The following DAB1 variants were observed in gnomAD, a reference collection of about 807,000 sequenced individuals.
DAB1 encodes disabled homolog 1.
A neutral mutation model predicts 64.6 loss-of-function variants in DAB1; 15 were observed. The ratio of observed to expected loss-of-function variants is 0.23; its 90% CI spans 0.16 to 0.36. The LOEUF (loss-of-function observed/expected upper bound fraction) is 0.36, where lower values mean the gene tolerates loss of function less well. DAB1 is among the 10% of genes least tolerant of loss of function. The probability of loss-of-function intolerance (pLI) is 1.00; values close to 1 mark genes in which losing one functional copy is unlikely to be tolerated. For synonymous variants in DAB1, 235 were observed against 251.9 expected (o/e 0.93, Z 0.64); for missense variants, 596 against 706.7 (o/e 0.84, Z 1.78).
chr1:58,202,490 C>T (rs1346956749), intron 4 of DAB1, among the ~76,000 whole-genome samples: 1 of 152,172 alleles, frequency 6.6e-6, no homozygotes, highest in Non-Finnish European at 1.5e-5. Context: ...TGAAGCTGAG[C>T]TGGTCTGTAA....
intron 7 of DAB1, among the ~76,000 whole-genome samples, chr1:57,445,090 C>T (rs1686087708): frequency 6.6e-6 from 1 of 151,976 alleles, no homozygotes. Flanking sequence ...ACTTATTTTA[C>T]AAAAATAAGC....
chr1:57,977,624 T>C (rs1645952980), intron 5 of DAB1, among the ~76,000 whole-genome samples: 1 of 152,180 alleles, frequency 6.6e-6, no homozygotes, highest in Non-Finnish European at 1.5e-5. Context: ...GTCTAATATA[T>C]ACACATCTCT....
intron 1 of DAB1, chr1:58,539,304 T>G (rs1646566460): frequency 1.2e-6 from 1 of 815,492 alleles, no homozygotes; most frequent in Admixed American, 2.2e-5. Context: ...TTTTTTCACT[T>G]GACTACCTGA....
At chr1:57,094,141 A>C (rs1653948433) in intron 4 of DAB1, among the ~76,000 whole-genome samples, 1 of 146,740 alleles carries the variant, frequency 6.8e-6, no homozygotes, top group Non-Finnish European at 1.5e-5. Flanking sequence ...CTTGGAGTTG[A>C]CATCTTCAAA....
intron 4 of DAB1, among the ~76,000 whole-genome samples, chr1:58,290,695 A>G (rs1172532241): frequency 6.6e-6 from 1 of 152,176 alleles, no homozygotes; most frequent in Non-Finnish European, 1.5e-5. Flanking sequence ...AGAAATGTAC[A>G]TCATCCTTAG....
At chr1:58,044,515 A>C (rs1488609274) in intron 5 of DAB1, among the ~76,000 whole-genome samples, 3 of 151,924 alleles carry the variant, frequency 2.0e-5, no homozygotes, top group African/African-American at 7.3e-5. Flanking sequence ...ATGTTTTCTG[A>C]GTGTCTCTTG....
At chr1:58,440,912 G>A (rs573571191) in intron 3 of DAB1, among the ~76,000 whole-genome samples, 4 of 152,270 alleles carry the variant, frequency 2.6e-5, no homozygotes, top group Non-Finnish European at 4.4e-5. Flanking sequence ...GCCAATAACC[G>A]CATGATTAAG....
intron 3 of DAB1, among the ~76,000 whole-genome samples, chr1:58,435,841 C>T (rs566655305): frequency 1.3e-5 from 2 of 152,302 alleles, no homozygotes; most frequent in African/African-American, 4.8e-5. Context: ...AACCTTAGCA[C>T]GTCTGAGTTA....
intron 7 of DAB1, among the ~76,000 whole-genome samples, chr1:57,517,767 G>C (rs565878529): frequency 8.9e-4 from 136 of 152,362 alleles, no homozygotes; most frequent in African/African-American, 3.1e-3. Flanking sequence ...GCATTAGCCA[G>C]TGTAGGTAAC....
chr1:58,409,622 T>G (rs1292106368), intron 3 of DAB1, among the ~76,000 whole-genome samples: 2 of 152,246 alleles, frequency 1.3e-5, no homozygotes, highest in Non-Finnish European at 2.9e-5. Context: ...CGTTTCTGGA[T>G]GTAACATCTC....
intron 1 of DAB1, among the ~76,000 whole-genome samples, chr1:57,402,390 A>G (rs1339909552): frequency 6.6e-6 from 1 of 152,240 alleles, no homozygotes; most frequent in African/African-American, 2.4e-5. Context: ...GATTAAATAA[A>G]TAGCTTCATG....
chr1:58,331,760 G>A (rs1187286666), intron 4 of DAB1, among the ~76,000 whole-genome samples: 8 of 152,232 alleles, frequency 5.3e-5, no homozygotes, highest in African/African-American at 1.9e-4. Flanking sequence ...CAATGCTATT[G>A]CACACTTAAC....
intron 7 of DAB1, among the ~76,000 whole-genome samples, chr1:57,450,088 C>T (rs1226701244): frequency 6.6e-6 from 1 of 152,172 alleles, no homozygotes; most frequent in Admixed American, 6.5e-5. Context: ...TTATCCAAAA[C>T]TGTTAAAGCT....
intron 3 of DAB1, among the ~76,000 whole-genome samples, chr1:58,429,328 A>G (rs1474202761): frequency 6.6e-6 from 1 of 152,244 alleles, no homozygotes; most frequent in Non-Finnish European, 1.5e-5. Flanking sequence ...GGATGAGAAC[A>G]TCAAGAGAGC....
intron 5 of DAB1, among the ~76,000 whole-genome samples, chr1:58,008,084 T>A (rs962999295): frequency 1.3e-5 from 2 of 152,174 alleles, no homozygotes; most frequent in Non-Finnish European, 2.9e-5. Context: ...ACTATTACTG[T>A]TTGTCAGACA....
At chr1:57,155,540 A>G (rs1046858222) in intron 2 of DAB1, among the ~76,000 whole-genome samples, 1 of 151,542 alleles carries the variant, frequency 6.6e-6, no homozygotes, top group Non-Finnish European at 1.5e-5. Flanking sequence ...TTGTGGTTCC[A>G]TATAAATTTT....
chr1:57,493,114 C>T (rs1394923764), intron 7 of DAB1, among the ~76,000 whole-genome samples: 2 of 119,306 alleles, frequency 1.7e-5, no homozygotes, highest in African/African-American at 2.9e-5. Context: ...GGGCAGGGAT[C>T]AAATTGTGTG....
At chr1:57,458,895 T>C (rs906119624) in intron 7 of DAB1, among the ~76,000 whole-genome samples, 1 of 152,088 alleles carries the variant, frequency 6.6e-6, no homozygotes, top group African/African-American at 2.4e-5. Flanking sequence ...CAAAATCTTT[T>C]GCCTCTGAAG....
chr1:58,426,736 A>T (rs1340907475), intron 3 of DAB1, among the ~76,000 whole-genome samples: 2 of 152,162 alleles, frequency 1.3e-5, no homozygotes, highest in Admixed American at 1.3e-4. Flanking sequence ...TTGAATGCAT[A>T]TTATCTTCCA....
Sources: allele counts gnomAD v4.1 joint callset (sites outside exome capture counted in the v4.1 genomes callset), GRCh38; gene constraint gnomAD v4.1.1; transcripts MANE v1.5; gene names NCBI Gene and HGNC (gene_info 2026-07-23, HGNC 2026-07-21).